The following SLC39A5 variants were observed in gnomAD, a reference collection of about 807,000 sequenced individuals.
SLC39A5 encodes solute carrier family 39 member 5.
In SLC39A5, 42 loss-of-function variants were observed where a neutral mutation model predicts 46.9. That is an observed-to-expected ratio of 0.90 (90% confidence interval 0.70 to 1.16). The LOEUF (loss-of-function observed/expected upper bound fraction) is 1.16, where lower values mean the gene tolerates loss of function less well. Among genes scored for constraint, SLC39A5 ranks in the 50% most tolerant of loss-of-function variants. The pLI, the probability that SLC39A5 is intolerant of heterozygous loss-of-function variation, is 0.00. For synonymous variants in SLC39A5, 311 were observed against 323.1 expected, an observed-to-expected ratio of 0.96 and a Z score of 0.40; for missense variants, 677 against 686.8, an observed-to-expected ratio of 0.99 and a Z score of 0.16.
rs1002551005 is a variant in SLC39A5, at chr12:56,231,570, C to G, written c.287+9C>G. 1 of 1,528,364 alleles carries G rather than the reference C, an allele frequency of 6.5e-7. No homozygotes were observed. Among genetic ancestry groups the G allele is most frequent in the Non-Finnish European group, 8.8e-7 (1 of 1,136,990 alleles). The allele number at this position is 1,528,364 out of a possible 1,614,324, so 94.7% of individuals were successfully genotyped here. A position where few individuals can be genotyped will look rare whatever the true frequency, so the allele number is the denominator to read the frequency against. Reference sequence around the variant, plus strand: ...GACAATTCCACACACAGGTACTGACCCCTTCCTCCACTCCACAGGGCCACA... The same window carrying G: ...GACAATTCCACACACAGGTACTGACGCCTTCCTCCACTCCACAGGGCCACA... On this transcript the variant is annotated intron_variant, in intron 4 of 12. Transcript: ENST00000454355.
chr12:56,232,682 A>C lies in SLC39A5; in HGVS notation c.288-7A>C. On this transcript the variant is annotated splice_polypyrimidine_tract_variant and splice_region_variant and intron_variant, in intron 4 of 12. Transcript: ENST00000454355. ...GGGAGGCTGACTTGCTGTCTCATCC[A>C]TTCCAGGCCACAGAACCCTGAGCTG... 6.3e-7 allele frequency: 1 copy of C among 1,591,562 alleles called. No individual in the cohort carries two copies. The highest frequency in any genetic ancestry group is 1.4e-5 in the African/African-American group (1 of 73,078).
Position 56,237,341 on chromosome 12 carries a change from G to C in SLC39A5, c.1479+1G>C. 6.3e-7 allele frequency: 1 copy of C among 1,584,182 alleles called. No homozygotes were observed. The highest frequency in any genetic ancestry group is 8.6e-7 in the Non-Finnish European group (1 of 1,163,882). ...CCTCTATGTGGCCCTTGTGGACATG[G>C]TGAGAGATGTCGGGTAGAGCAGAGA... On this transcript the variant is annotated splice_donor_variant, in intron 12 of 12. Coordinates refer to ENST00000454355, the MANE Select transcript of SLC39A5 (RefSeq NM_173596.3). LOFTEE classifies it high-confidence loss of function.
At chr12:56,232,414 C>A (rs1270762118) in intron 4 of SLC39A5, among the ~76,000 whole-genome samples, 1 of 152,106 alleles carries the variant, frequency 6.6e-6, no homozygotes, top group Non-Finnish European at 1.5e-5. Flanking sequence ...GATCCACCCA[C>A]CTCAGCCTCC....
Position 56,232,827 on chromosome 12 carries a change from G to A in SLC39A5, c.426G>A (p.Arg142=), listed in dbSNP as rs1641756101. Residue 142 remains arginine (R), a synonymous_variant, in exon 5 of 13, where the codon AGG becomes AGA. Transcript: ENST00000454355. ...PAPSGLDLLH[R]LLLLDHSLAD... ...CCTCGGGCCTGGACCTCCTTCACAG[G>A]CTTCTGTTGCTGGACCACTCATTGG... 1.9e-6 allele frequency: 3 copies of A among 1,613,076 alleles called. No individual in the cohort carries two copies. The highest frequency in any genetic ancestry group is 2.5e-6 in the Non-Finnish European group (3 of 1,179,600).
rs755195261 is a variant in SLC39A5, at chr12:56,237,253, G to T, written c.1392G>T (p.Val464=). ...ALGLGGAVLG[V]GLSLGPVPLT... ...GATTGGGGGGTGCAGTCCTGGGGGT[G>T]GGGCTCAGCCTGGGCCCTGTCCCCC... Residue 464 remains valine, a synonymous_variant, in exon 12 of 13, where the codon GTG becomes GTT. Coordinates refer to ENST00000454355, the MANE Select transcript of SLC39A5 (RefSeq NM_173596.3). 7 of 1,613,934 alleles carry T rather than the reference G, an allele frequency of 4.3e-6. No homozygotes were observed. The South Asian group carries it at 7.7e-5, about 18-fold the overall frequency.
chr12:56,235,451 C>A, intron 7 of SLC39A5, 109 bp from the exon 8 acceptor site: 1 of 1,515,518 alleles, frequency 6.6e-7, no homozygotes, highest in Non-Finnish European at 8.8e-7. Flanking sequence ...CTTCAGCCCA[C>A]AGCTGCCTTC....
In SLC39A5 at chr12:56,234,986, G is replaced by C; in HGVS notation, c.634G>C (p.Ala212Pro). ...TGCACCCCCAGGGGATCTACTATCT[G>C]GTCAGCAAGTAGGAGTGGGTGGGGG... The part of the protein sequence containing the change: ...APAPPGDLLS[A>P]LLQSALAVLL... The change falls in exon 6 of 13, where the codon GCC becomes CCC. Residue 212 changes from alanine (A) to proline (P), a missense_variant and splice_region_variant. Ala to Pro is a conservative substitution (Grantham distance 27). Coordinates refer to ENST00000454355, the MANE Select transcript of SLC39A5 (RefSeq NM_173596.3). 6.2e-7 allele frequency: 1 copy of C among 1,613,002 alleles called. No homozygotes were observed. Among genetic ancestry groups the C allele is most frequent in the Non-Finnish European group, 8.5e-7 (1 of 1,179,998 alleles).
chr12:56,230,979 G>A (rs1719880438), intron 3 of SLC39A5, 106 bp downstream of exon 3: 4 of 374,312 alleles, frequency 1.1e-5, no homozygotes, highest in Non-Finnish European at 1.9e-5. Flanking sequence ...AGGAATGGAC[G>A]GTCAGCTCTG....
At position 56,232,775 on chromosome 12, in the gene SLC39A5, C is replaced by A; in HGVS notation, c.374C>A (p.Ala125Asp). 2.5e-6 allele frequency: 4 copies of A among 1,612,308 alleles called. No individual in the cohort carries two copies. The highest frequency in any genetic ancestry group is 3.4e-6 in the Non-Finnish European group (4 of 1,179,428). Residue 125 changes from alanine to aspartate, a missense_variant, in exon 5 of 13, where the codon GCC (alanine) becomes GAC (aspartate). By Grantham distance (126) the Ala-to-Asp change is moderately radical. Transcript: ENST00000454355. ...TGGGGTGACCTGGAAGAGTCAAAGG[C>A]CCCTCACCTACCCCGTGGGCCAGCC... is the stretch of plus-strand genomic sequence containing the variant. ...SGWGDLEESKAPHLPRGPAPS... is the reference protein window; with the variant it reads ...SGWGDLEESKDPHLPRGPAPS...
rs757550067 is a variant in SLC39A5 at position 56,237,692 on chromosome 12, G to C, written c.1584G>C (p.Leu528=). 1 of 1,594,290 alleles carries C rather than the reference G, an allele frequency of 6.3e-7. No homozygotes were observed. Among genetic ancestry groups the C allele is most frequent in the South Asian group, 1.1e-5 (1 of 88,586 alleles). ...LGGGLMLAIT[L]LEERLLPVTT... is the part of the protein sequence containing the mutation. ...GCGGCCTCATGCTTGCCATAACCCTGCTGGAGGAGCGGCTACTGCCCGTGA... is the reference window on the plus strand; with the variant it reads ...GCGGCCTCATGCTTGCCATAACCCTCCTGGAGGAGCGGCTACTGCCCGTGA... Residue 528 remains leucine, a synonymous_variant, in exon 13 of 13, where the codon CTG becomes CTC. Coordinates refer to ENST00000454355, the MANE Select transcript of SLC39A5 (RefSeq NM_173596.3).
In SLC39A5 at chr12:56,237,445, G is replaced by A. The variant is rs117751186; in HGVS notation, c.1479+105G>A. 6.3e-5 allele frequency: 96 copies of A among 1,529,956 alleles called. No individual in the cohort carries two copies. The East Asian group carries it at 1.2e-3, about 20-fold the overall frequency. 94.8% of individuals were successfully genotyped at this position (1,529,956 alleles called of 1,614,324 possible). The stretch of plus-strand genomic sequence containing the variant: ...CTCTACCATTAGCTCCTGGAAGGGC[G>A]TCAGACCATAGGCCCGCAAAAGTCT... On this transcript the variant is annotated intron_variant, in intron 12 of 12. Transcript: ENST00000454355.
Position 56,235,585 on chromosome 12 carries a change from C to T in SLC39A5, c.830C>T (p.Pro277Leu). ...GCACAAGAAGGGCGGCACGCAGGAC[C>T]TGGCGGACTACCAGAGAAGGACCTG... ...PHAQEGRHAG[P>L]GGLPEKDLGP... Residue 277 changes from proline (P) to leucine (L), a missense_variant, in exon 8 of 13, where the codon CCT becomes CTT. Transcript: ENST00000454355. The T allele has an allele frequency of 6.2e-7, 1 of 1,614,140 alleles. No individual in the cohort carries two copies. Among genetic ancestry groups the T allele is most frequent in the Non-Finnish European group, 8.5e-7 (1 of 1,180,034 alleles).
intron 5 of SLC39A5, 101 bp downstream of exon 5, chr12:56,232,973 C>A: frequency 8.1e-7 from 1 of 1,227,502 alleles, no homozygotes; most frequent in Non-Finnish European, 1.1e-6. Flanking sequence ...TTTTAAATCC[C>A]AACGTGGACC....
At position 56,231,552 on chromosome 12, in the gene SLC39A5, C is replaced by T; in HGVS notation, c.278C>T (p.Ser93Phe). ...GRAASPAADN[S>F]THRPQNPELS... ...GCTGCATCCCCAGCTGCAGACAATTCCACACACAGGTACTGACCCCTTCCT... is the reference window on the plus strand; with the variant it reads ...GCTGCATCCCCAGCTGCAGACAATTTCACACACAGGTACTGACCCCTTCCT... Residue 93 changes from serine (S) to phenylalanine (F), a missense_variant, in exon 4 of 13, where the codon TCC becomes TTC. Ser to Phe is a radical substitution (Grantham distance 155, BLOSUM62 -2). Coordinates refer to ENST00000454355, the MANE Select transcript of SLC39A5 (RefSeq NM_173596.3). 2 of 1,562,274 alleles carry T rather than the reference C, an allele frequency of 1.3e-6. No individual in the cohort carries two copies. Among genetic ancestry groups the T allele is most frequent in the Non-Finnish European group, 1.7e-6 (2 of 1,152,786 alleles).
chr12:56,236,871 A>G lies in SLC39A5; in HGVS notation c.1208-60A>G, dbSNP rs1870836089. The G allele has an allele frequency of 1.9e-6, 3 of 1,606,196 alleles. No individual in the cohort carries two copies. In the South Asian group the frequency reaches 3.3e-5, roughly 18 times the overall value. ...GGACGGGAGGACCACGGAACACAGG[A>G]ACCTGCTTCTGAGGAGACTTTTCTT... On this transcript the variant is annotated intron_variant, in intron 10 of 12. Coordinates refer to ENST00000454355, the MANE Select transcript of SLC39A5 (RefSeq NM_173596.3).
chr12:56,234,575 A>G (rs1264088239), intron 5 of SLC39A5, among the ~76,000 whole-genome samples: 1 of 151,878 alleles, frequency 6.6e-6, no homozygotes, highest in Non-Finnish European at 1.5e-5. Context: ...TCAGCCTCCC[A>G]AAGTGCTGGG....
Position 56,230,061 on chromosome 12 carries a change from C to CG in SLC39A5, c.-232_-231insG, listed in dbSNP as rs397728411. ...CTTGCCCGCCTGCCTGCCTGCCCCC[C>CG]CAGCTGGAACCAAGAAGGTTGTGTC... is the stretch of plus-strand genomic sequence containing the variant. On this transcript the variant is annotated 5_prime_UTR_variant, in exon 1 of 13. Transcript: ENST00000454355. The CG allele has an allele frequency of 2.6e-5, 4 of 152,008 alleles. No individual in the cohort carries two copies. Among genetic ancestry groups the CG allele is most frequent in the Middle Eastern group, 6.5e-3 (2 of 306 alleles). 9.4% of individuals were successfully genotyped at this position (152,008 alleles called of 1,614,324 possible).
chr12:56,235,238 C>G lies in SLC39A5; in HGVS notation c.716C>G (p.Pro239Arg). 1 of 1,585,630 alleles carries G rather than the reference C, an allele frequency of 6.3e-7. No individual in the cohort carries two copies. ...LSLLLLRLLG[P>R]RLLRPLLGFL... The stretch of plus-strand genomic sequence containing the variant: ...CTGCTGCTGCTGCGGCTCCTGGGAC[C>G]TCGTCTACTACGGCCCTTGCTGGGC... Residue 239 changes from proline to arginine, a missense_variant, in exon 7 of 13, where the codon CCT becomes CGT. Pro to Arg is a moderately radical substitution (Grantham distance 103). Coordinates refer to ENST00000454355, the MANE Select transcript of SLC39A5 (RefSeq NM_173596.3).
In SLC39A5 at chr12:56,237,303, C is replaced by T. The variant is rs746981581; in HGVS notation, c.1442C>T (p.Thr481Ile). The T allele has an allele frequency of 5.0e-6, 8 of 1,609,562 alleles. No individual in the cohort carries two copies. Among genetic ancestry groups the T allele is most frequent in the Non-Finnish European group, 5.1e-6 (6 of 1,177,696 alleles). Residue 481 changes from threonine (T) to isoleucine (I), a missense_variant, in exon 12 of 13, where the codon ACT becomes ATT. Coordinates refer to ENST00000454355, the MANE Select transcript of SLC39A5 (RefSeq NM_173596.3). ...VPLTPWVFGV[T>I]AGVFLYVALV... ...CTCACTCCCTGGGTGTTTGGGGTCA[C>T]TGCTGGGGTCTTCCTCTATGTGGCC...
Sources: allele counts gnomAD v4.1 joint callset (sites outside exome capture counted in the v4.1 genomes callset), GRCh38; gene constraint gnomAD v4.1.1; transcripts MANE v1.5; gene names NCBI Gene and HGNC (gene_info 2026-07-23, HGNC 2026-07-21).